DOCK11: variants seen among roughly 807,000 people sequenced by gnomAD.
The protein encoded by DOCK11 is dedicator of cytokinesis 11.
A neutral mutation model predicts 169.1 loss-of-function variants in DOCK11; 70 were observed. The ratio of observed to expected loss-of-function variants is 0.41; its 90% confidence interval spans 0.34 to 0.51. The LOEUF (loss-of-function observed/expected upper bound fraction) is 0.51. DOCK11 is among the 20% of genes least tolerant of loss of function. The pLI is 0.10. For synonymous variants in DOCK11, 529 were observed against 541.3 expected, an observed-to-expected ratio of 0.98 and a Z score of 0.32; for missense variants, 1,166 against 1,538.8, an observed-to-expected ratio of 0.76 and a Z score of 4.05.
At chrX:118,544,438 G>A (rs1316560122) in intron 4 of DOCK11, among the ~76,000 whole-genome samples, 1 of 110,271 alleles carries the variant, frequency 9.1e-6, no homozygotes, top group Non-Finnish European at 1.9e-5. Context: ...TATGGGAAAT[G>A]TTTTTGGAAC....
intron 1 of DOCK11, among the ~76,000 whole-genome samples, chrX:118,534,279 AT>A (rs1376160376): frequency 8.9e-6 from 1 of 112,359 alleles, no homozygotes; most frequent in African/African-American, 3.2e-5. Context: ...AATTCTATTT[AT>A]CCATTTGTAG....
At chrX:118,496,595 G>C (rs970802389) in intron 1 of DOCK11, among the ~76,000 whole-genome samples, 1 of 112,399 alleles carries the variant, frequency 8.9e-6, no homozygotes, top group Non-Finnish European at 1.9e-5. Flanking sequence ...GCCCAAGCTC[G>C]GGCTGGCGGT....
chrX:118,573,991 C>T lies in DOCK11; in HGVS notation c.1362C>T (p.Ala454=), dbSNP rs764601190. 4.9e-5 allele frequency: 59 copies of T among 1,209,787 alleles called. No homozygotes were observed. The highest frequency in any genetic ancestry group is 1.2e-4 in the South Asian group (7 of 56,797). The change falls in exon 12 of 53, where the codon GCC becomes GCT. Residue 454 remains alanine (A), a synonymous_variant. Coordinates refer to ENST00000276202, the MANE Select transcript of DOCK11 (RefSeq NM_144658.4). ...CCGAATCTTACATTCATGGAATTGC[C>T]GAATCTCAGTTACGCTACATACAAC... ...SSPESYIHGI[A]ESQLRYIQQG... is the part of the protein sequence containing the mutation.
In DOCK11 at chrX:118,605,267, G is replaced by C. The variant is rs776884880; in HGVS notation, c.2592G>C (p.Met864Ile). 3.4e-6 allele frequency: 4 copies of C among 1,192,998 alleles called. No homozygotes were observed. Among genetic ancestry groups the C allele is most frequent in the Middle Eastern group, 2.3e-4 (1 of 4,277 alleles). The change falls in exon 24 of 53, where the codon ATG becomes ATC. Residue 864 changes from methionine to isoleucine, a missense_variant. Transcript: ENST00000276202. ...KCLHAMEIQV[M>I]IQFLPVILMQ... is the part of the protein sequence containing the mutation. ...TGCATGCCATGGAGATCCAAGTCAT[G>C]ATACAGTTTCTACCTGTAATTCTTA...
At chrX:118,649,176 A>G (rs1180226884) in intron 41 of DOCK11, 49 bp downstream of exon 41, 3 of 1,063,342 alleles carry the variant, frequency 2.8e-6, no homozygotes, top group Non-Finnish European at 3.8e-6. Context: ...TTCAATCTTT[A>G]ACCTCTAGAT....
chrX:118,513,078 C>T (rs2057659925), intron 1 of DOCK11, among the ~76,000 whole-genome samples: 1 of 111,771 alleles, frequency 8.9e-6, no homozygotes, highest in Non-Finnish European at 1.9e-5. Flanking sequence ...ATCTGGCTGC[C>T]TGATCCAGCT....
chrX:118,652,146 G>T, intron 42 of DOCK11, 69 bp downstream of exon 42: 1 of 686,907 alleles, frequency 1.5e-6, no homozygotes, highest in Non-Finnish European at 2.2e-6. Flanking sequence ...CTCTTAAACT[G>T]TCATTGGATT....
At chrX:118,508,583 T>G (rs1330380714) in intron 1 of DOCK11, among the ~76,000 whole-genome samples, 1 of 110,639 alleles carries the variant, frequency 9.0e-6, no homozygotes, top group East Asian at 2.8e-4. Context: ...TCAAGAAGGT[T>G]CTAAATCAAC....
intron 1 of DOCK11, among the ~76,000 whole-genome samples, chrX:118,537,835 C>T (rs187189704): frequency 5.4e-5 from 6 of 111,536 alleles, no homozygotes; most frequent in South Asian, 3.8e-4. Flanking sequence ...TCTATTCTGA[C>T]GAGTTTCCTT....
intron 45 of DOCK11, among the ~76,000 whole-genome samples, chrX:118,670,168 T>G (rs1374300949): frequency 1.8e-5 from 2 of 111,865 alleles, no homozygotes; most frequent in African/African-American, 6.5e-5. Flanking sequence ...GTCTATAGGA[T>G]ATTGCCACTG....
intron 45 of DOCK11, among the ~76,000 whole-genome samples, chrX:118,669,997 T>C (rs902337240): frequency 1.8e-5 from 2 of 111,824 alleles, no homozygotes; most frequent in African/African-American, 6.5e-5. Context: ...TACTCCAGTA[T>C]TGCTTCATCA....
chrX:118,515,177 A>G (rs991774430), intron 1 of DOCK11, among the ~76,000 whole-genome samples: 1 of 112,142 alleles, frequency 8.9e-6, no homozygotes, highest in African/African-American at 3.2e-5. Context: ...GATGGCATTT[A>G]GAGTCCACCC....
At chrX:118,510,995 A>T (rs1021235195) in intron 1 of DOCK11, among the ~76,000 whole-genome samples, 8 of 112,472 alleles carry the variant, frequency 7.1e-5, no homozygotes, top group African/African-American at 2.6e-4. Context: ...TAACATTTGC[A>T]TCAGCCCTCC....
chrX:118,565,165 T>C (rs941964182), intron 7 of DOCK11, among the ~76,000 whole-genome samples: 1 of 110,760 alleles, frequency 9.0e-6, no homozygotes, highest in Admixed American at 9.7e-5. Flanking sequence ...GGTCTCAAAC[T>C]CCTGGGCTTA....
intron 22 of DOCK11, 103 bp from the exon 23 acceptor site, chrX:118,599,036 C>T (rs1487204300): frequency 3.6e-5 from 23 of 633,800 alleles, no homozygotes; most frequent in Middle Eastern, 3.2e-4. Flanking sequence ...ATTAGAATAC[C>T]GGATAAATAG....
Position 118,637,207 on chromosome X carries a change from G to A in DOCK11, c.3953+795G>A, listed in dbSNP as rs141544150. Among the ~76,000 whole-genome samples the A allele has an allele frequency of 8.8e-3, 971 of 110,081 alleles. 3 individuals carry two copies. Among genetic ancestry groups the A allele is most frequent in the Non-Finnish European group, 0.012 (647 of 52,768 alleles). On this transcript the variant is annotated intron_variant, in intron 36 of 52. Transcript: ENST00000276202. ...TGAAAATATCTGATGTTGGGGATTT[G>A]CTTTAGAAACACAGGGGTAGGGAGG...
chrX:118,568,381 TA>T (rs770341895), intron 10 of DOCK11, among the ~76,000 whole-genome samples: 7 of 3,996 alleles, frequency 1.8e-3, no homozygotes, highest in African/African-American at 7.5e-3. Context: ...TATATATATA[TA>T]TATATATATA....
intron 1 of DOCK11, among the ~76,000 whole-genome samples, chrX:118,524,262 C>T (rs2011323638): frequency 8.9e-6 from 1 of 111,802 alleles, no homozygotes. Context: ...GTTCCTTCAC[C>T]CACAGAAGGG....
intron 20 of DOCK11, among the ~76,000 whole-genome samples, chrX:118,596,822 C>A (rs1360671195): frequency 1.8e-5 from 2 of 111,909 alleles, no homozygotes; most frequent in Non-Finnish European, 3.8e-5. Context: ...CCTACCTACA[C>A]CTACACCTCT....
Sources: allele counts gnomAD v4.1 joint callset (sites outside exome capture counted in the v4.1 genomes callset), GRCh38; gene constraint gnomAD v4.1.1; transcripts MANE v1.5; gene names NCBI Gene and HGNC (gene_info 2026-07-23, HGNC 2026-07-21).